Variants in C8orf34 observed in about 807,000 individuals in gnomAD.
C8orf34 encodes chromosome 8 open reading frame 34.
In C8orf34, 65 loss-of-function variants were observed where a neutral mutation model predicts 68.3. The observed-to-expected ratio is 0.95, with a 90% CI of 0.78 to 1.17. The LOEUF (loss-of-function observed/expected upper bound fraction) is 1.17, where lower values mean the gene tolerates loss of function less well. C8orf34 is among the 50% of genes most tolerant of loss of function. The probability of loss-of-function intolerance (pLI) is 0.00; values close to 1 mark genes in which losing one functional copy is unlikely to be tolerated. For synonymous variants in C8orf34, 244 were observed against 241.2 expected, an observed-to-expected ratio of 1.01 and a Z score of -0.11; for missense variants, 664 against 655.4, an observed-to-expected ratio of 1.01 and a Z score of -0.14.
At position 68,818,262 on chromosome 8, in the gene C8orf34, T is replaced by A. The variant is rs563354083; in HGVS notation, c.*16T>A. The A allele has an allele frequency of 1.9e-6, 3 of 1,611,906 alleles. No individual in the cohort carries two copies. Among genetic ancestry groups the A allele is most frequent in the Non-Finnish European group, 2.5e-6 (3 of 1,178,820 alleles). ...AGGTTTGTGAAACAGAGAGAAGAAGTTGCAAGTGGTCCTTAAAGAAATGCA... is the reference window on the plus strand; with the variant it reads ...AGGTTTGTGAAACAGAGAGAAGAAGATGCAAGTGGTCCTTAAAGAAATGCA... On this transcript the variant is annotated 3_prime_UTR_variant, in exon 14 of 14. Coordinates refer to ENST00000518698, the MANE Select transcript of C8orf34 (RefSeq NM_052958.4).
intron 1 of C8orf34, among the ~76,000 whole-genome samples, chr8:68,333,025 C>T (rs1472661990): frequency 6.6e-6 from 1 of 152,108 alleles, no homozygotes; most frequent in East Asian, 1.9e-4. Context: ...TGTTTTCTCT[C>T]TACTCTCCTG....
At chr8:68,814,741 G>A (rs1277145784) in intron 12 of C8orf34, among the ~76,000 whole-genome samples, 1 of 152,118 alleles carries the variant, frequency 6.6e-6, no homozygotes, top group East Asian at 1.9e-4. Flanking sequence ...TAAAATCCAT[G>A]CTTTTTTTCC....
At chr8:68,739,814 C>T (rs901268213) in intron 10 of C8orf34, among the ~76,000 whole-genome samples, 4 of 151,850 alleles carry the variant, frequency 2.6e-5, no homozygotes, top group African/African-American at 9.7e-5. Flanking sequence ...AACAAACGAA[C>T]AAAAACCCCA....
At chr8:68,595,356 T>G (rs963378049) in intron 7 of C8orf34, among the ~76,000 whole-genome samples, 1 of 152,068 alleles carries the variant, frequency 6.6e-6, no homozygotes, top group African/African-American at 2.4e-5. Flanking sequence ...ATTTTCCCCT[T>G]GCATTAAGGC....
chr8:68,673,295 C>T (rs1034496929), intron 8 of C8orf34, among the ~76,000 whole-genome samples: 1 of 151,772 alleles, frequency 6.6e-6, no homozygotes, highest in African/African-American at 2.4e-5. Flanking sequence ...CTCAGCCACA[C>T]CTAATTGTGG....
chr8:68,716,730 C>T (rs1445432643), intron 9 of C8orf34, among the ~76,000 whole-genome samples: 5 of 152,032 alleles, frequency 3.3e-5, no homozygotes, highest in African/African-American at 1.2e-4. Flanking sequence ...ATCTTAAAAT[C>T]TTGAGCATTT....
intron 7 of C8orf34, among the ~76,000 whole-genome samples, chr8:68,586,263 T>A (rs1817207601): frequency 6.6e-6 from 1 of 152,178 alleles, no homozygotes; most frequent in Non-Finnish European, 1.5e-5. Flanking sequence ...AAAGAAAATA[T>A]GCACTTACAT....
intron 7 of C8orf34, among the ~76,000 whole-genome samples, chr8:68,566,709 TTC>T (rs1244490689): frequency 6.6e-6 from 1 of 150,550 alleles, no homozygotes; most frequent in African/African-American, 2.5e-5. Context: ...TTGATCTTCT[TTC>T]CAGGCCATTC....
intron 4 of C8orf34, among the ~76,000 whole-genome samples, 162 bp downstream of exon 4, chr8:68,468,982 T>C (rs1316895270): frequency 4.6e-5 from 7 of 152,090 alleles, no homozygotes; most frequent in Admixed American, 4.6e-4. Context: ...TGATTTTGCA[T>C]ATTATACAGA....
chr8:68,478,443 C>G (rs1005873991), intron 4 of C8orf34, among the ~76,000 whole-genome samples: 1 of 152,194 alleles, frequency 6.6e-6, no homozygotes, highest in Non-Finnish European at 1.5e-5. Flanking sequence ...ATCTTCCTAT[C>G]TTCTTCTGAG....
At chr8:68,753,269 G>A (rs1282828987) in intron 10 of C8orf34, among the ~76,000 whole-genome samples, 3 of 152,110 alleles carry the variant, frequency 2.0e-5, no homozygotes, top group African/African-American at 7.2e-5. Context: ...ACTTGACCCT[G>A]CTTTTTTAAT....
At chr8:68,585,922 C>T (rs1194922419) in intron 7 of C8orf34, among the ~76,000 whole-genome samples, 1 of 152,066 alleles carries the variant, frequency 6.6e-6, no homozygotes, top group Non-Finnish European at 1.5e-5. Flanking sequence ...TCACTTCTGC[C>T]ATATTCTATC....
At chr8:68,539,973 A>G (rs1233709754) in intron 7 of C8orf34, among the ~76,000 whole-genome samples, 3 of 152,168 alleles carry the variant, frequency 2.0e-5, no homozygotes, top group African/African-American at 7.2e-5. Context: ...GTTTTATTCA[A>G]GTATTTTTAA....
In C8orf34 at chr8:68,716,720, A is replaced by G. The variant is rs554199315; in HGVS notation, c.1328-4641A>G. On this transcript the variant is annotated intron_variant, in intron 9 of 13. Transcript: ENST00000518698. ...ATGAGTTTTGGAAAAGTTTTCCATTATCTTAAAATCTTGAGCATTTATATA... is the reference window on the plus strand; with the variant it reads ...ATGAGTTTTGGAAAAGTTTTCCATTGTCTTAAAATCTTGAGCATTTATATA... 7.2e-5 allele frequency among the ~76,000 whole-genome samples: 11 copies of G among 152,142 alleles called. No homozygotes were observed. The East Asian group carries it at 2.2e-3, about 30-fold the overall frequency.
upstream of C8orf34, chr8:68,330,923 A>T: frequency 1.9e-6 from 2 of 1,041,520 alleles, no homozygotes; most frequent in Non-Finnish European, 1.3e-6. Flanking sequence ...TGCCGCCCAG[A>T]GGAGAAAGGA....
intron 7 of C8orf34, among the ~76,000 whole-genome samples, chr8:68,629,863 G>A (rs1283644331): frequency 6.6e-6 from 1 of 152,022 alleles, no homozygotes; most frequent in Non-Finnish European, 1.5e-5. Flanking sequence ...GCGTATGTGT[G>A]TATGTGTGTA....
At chr8:68,815,042 A>G (rs368049353) in intron 12 of C8orf34, among the ~76,000 whole-genome samples, 2 of 152,192 alleles carry the variant, frequency 1.3e-5, no homozygotes, top group African/African-American at 4.8e-5. Flanking sequence ...AATCATCTAG[A>G]TTAACATCTT....
chr8:68,506,385 G>C (rs1814023571), intron 5 of C8orf34, among the ~76,000 whole-genome samples: 1 of 152,180 alleles, frequency 6.6e-6, no homozygotes, highest in Admixed American at 6.5e-5. Context: ...TATTTTATGA[G>C]ATGAGGTCTC....
intron 5 of C8orf34, among the ~76,000 whole-genome samples, chr8:68,513,079 C>A (rs979541582): frequency 2.6e-5 from 4 of 152,310 alleles, no homozygotes; most frequent in African/African-American, 9.6e-5. Context: ...AAACACTTAG[C>A]AAACCTTTCA....
Sources: allele counts gnomAD v4.1 joint callset (sites outside exome capture counted in the v4.1 genomes callset), GRCh38; gene constraint gnomAD v4.1.1; transcripts MANE v1.5; gene names NCBI Gene and HGNC (gene_info 2026-07-23, HGNC 2026-07-21).